TARM1: variants seen among roughly 807,000 people sequenced by gnomAD.
The protein encoded by TARM1 is T cell-interacting, activating receptor on myeloid cells 1.
Under a neutral mutation model 30.4 loss-of-function variants are expected in TARM1, and 24 were observed. The ratio of observed to expected loss-of-function variants is 0.79; its 90% CI spans 0.57 to 1.11. The LOEUF is 1.11. Ranked by LOEUF, TARM1 falls within the 50% of genes least tolerant of loss-of-function variation. TARM1 has a pLI of 0.00. For missense variants in TARM1, 323 were observed against 332.8 expected, an observed-to-expected ratio of 0.97 and a Z score of 0.23; for synonymous variants, 129 against 138.9, an observed-to-expected ratio of 0.93 and a Z score of 0.50.
At position 54,074,164 on chromosome 19, in the gene TARM1, T is replaced by G. The variant is rs367737038; in HGVS notation, c.414A>C (p.Ala138=). The part of the protein sequence containing the change: ...LRTYQRGTVT[A]GGRVTLQCQK... Reference sequence around the variant, plus strand: ...GGCACTGCAGAGTCACCCTTCCACCTGCGGTCACTGTACCCCTTTGGTAGG... The same window carrying G: ...GGCACTGCAGAGTCACCCTTCCACCGGCGGTCACTGTACCCCTTTGGTAGG... The change falls in exon 4 of 5, where the codon GCA becomes GCC. Residue 138 remains alanine (A), a synonymous_variant. Coordinates refer to ENST00000432826, the MANE Select transcript of TARM1 (RefSeq NM_001135686.3). The G allele has an allele frequency of 2.3e-5, 36 of 1,551,698 alleles. No homozygotes were observed. The highest frequency in any genetic ancestry group is 1.6e-4 in the African/African-American group (12 of 73,162).
At chr19:54,074,721 C>T in intron 3 of TARM1, 103 bp downstream of exon 3, 4 of 1,256,012 alleles carry the variant, frequency 3.2e-6, no homozygotes, top group Non-Finnish European at 4.4e-6. Flanking sequence ...CTCCCACCAC[C>T]CCCAACTACT....
chr19:54,074,631 C>T (rs1403131945), intron 3 of TARM1, among the ~76,000 whole-genome samples, 193 bp downstream of exon 3: 1 of 152,118 alleles, frequency 6.6e-6, no homozygotes, highest in East Asian at 1.9e-4. Flanking sequence ...TGCAGTGAGC[C>T]GAGATGGCAC....
At chr19:54,074,539 C>T (rs1448537229) in intron 3 of TARM1, among the ~76,000 whole-genome samples, 7 of 152,254 alleles carry the variant, frequency 4.6e-5, no homozygotes, top group East Asian at 1.9e-4. Context: ...AAAAATTAGC[C>T]GGGCATGGTG....
intron 3 of TARM1, 97 bp from the exon 4 acceptor site, chr19:54,074,313 A>G: frequency 8.7e-7 from 1 of 1,154,076 alleles, no homozygotes; most frequent in South Asian, 1.5e-5. Context: ...GAGTGTGGGA[A>G]ATGAGAGATT....
At chr19:54,076,491 T>G in intron 1 of TARM1, 1 of 384,584 alleles carries the variant, frequency 2.6e-6, no homozygotes, top group East Asian at 5.3e-5. Flanking sequence ...GCCTCCCAAA[T>G]AGCTGGGATC....
chr19:54,077,812 G>A (rs2071996635), intron 1 of TARM1, among the ~76,000 whole-genome samples: 2 of 140,152 alleles, frequency 1.4e-5, no homozygotes, highest in African/African-American at 2.7e-5. Flanking sequence ...GCGCGATCTC[G>A]GCTCACTGCA....
chr19:54,071,863 C>T (rs1330152901), intron 4 of TARM1, among the ~76,000 whole-genome samples: 3 of 151,070 alleles, frequency 2.0e-5, no homozygotes, highest in South Asian at 4.2e-4. Context: ...AAACCCTAGC[C>T]TCCAGATTTT....
At chr19:54,077,258 G>A (rs2071979185) in intron 1 of TARM1, among the ~76,000 whole-genome samples, 1 of 151,994 alleles carries the variant, frequency 6.6e-6, no homozygotes, top group African/African-American at 2.4e-5. Flanking sequence ...ATGGGCGCCT[G>A]TGATCCCAGC....
chr19:54,075,121 G>C lies in TARM1; in HGVS notation c.71-7C>G, dbSNP rs1378371203. On this transcript the variant is annotated splice_region_variant and splice_polypyrimidine_tract_variant and intron_variant, in intron 2 of 4. Transcript: ENST00000432826. ...GACGGCTTGGGCAGTGACCCTGGAA[G>C]GAAGCAGAGCCTGATGCTGGACCCG... 6.5e-7 allele frequency: 1 copy of C among 1,550,222 alleles called. No individual in the cohort carries two copies. The highest frequency in any genetic ancestry group is 2.0e-5 in the Admixed American group (1 of 50,840).
intron 1 of TARM1, 54 bp downstream of exon 1, chr19:54,081,253 C>T (rs1335946569): frequency 2.6e-6 from 4 of 1,522,730 alleles, no homozygotes; most frequent in Non-Finnish European, 3.6e-6. Context: ...GCCCAACTAT[C>T]CCACCAGTTC....
chr19:54,070,905 C>G (rs1157843377), intron 4 of TARM1, among the ~76,000 whole-genome samples: 1 of 152,184 alleles, frequency 6.6e-6, no homozygotes, highest in East Asian at 1.9e-4. Context: ...AACCACCATG[C>G]CTGGCCATAA....
intron 1 of TARM1, among the ~76,000 whole-genome samples, chr19:54,079,298 G>T (rs1600213328): frequency 6.6e-6 from 1 of 151,474 alleles, no homozygotes; most frequent in African/African-American, 2.4e-5. Flanking sequence ...TTAGAATGGA[G>T]GTTACCAGGG....
At chr19:54,080,500 A>AAGGAAGGAAGGG (rs1763190932) in intron 1 of TARM1, among the ~76,000 whole-genome samples, 1 of 42,380 alleles carries the variant, frequency 2.4e-5, no homozygotes, top group African/African-American at 1.0e-4. Flanking sequence ...GGAAGGGAGG[A>AAGGAAGGAAGGG]AGGAAGGAAG....
chr19:54,074,284 C>T, intron 3 of TARM1, 68 bp from the exon 4 acceptor site: 2 of 1,432,250 alleles, frequency 1.4e-6, no homozygotes, highest in Non-Finnish European at 1.9e-6. Context: ...CCCTGTTCTC[C>T]TGGCCGGAGG....
chr19:54,074,978 G>A lies in TARM1; in HGVS notation c.207C>T (p.Ser69=), dbSNP rs587751623. The stretch of plus-strand genomic sequence containing the variant: ...CCTCTGTAGAATCAAGGGGCTTCGG[G>A]GACTCCAGAATAATTCCTCCCTTCC... ...VLRKGGIILE[S]PKPLDSTEGA... Residue 69 remains serine, a synonymous_variant, in exon 3 of 5, where the codon TCC becomes TCT. Transcript: ENST00000432826. 19 of 1,551,430 alleles carry A rather than the reference G, an allele frequency of 1.2e-5. No homozygotes were observed. The highest frequency in any genetic ancestry group is 1.2e-4 in the South Asian group (10 of 84,054).
chr19:54,078,892 AAGTC>A (rs1372252775), intron 1 of TARM1, among the ~76,000 whole-genome samples: 5 of 152,006 alleles, frequency 3.3e-5, no homozygotes, highest in Non-Finnish European at 7.4e-5. Context: ...TGAGTAAACT[AAGTC>A]AGGCAAAAAA....
At chr19:54,071,026 C>T (rs936981837) in intron 4 of TARM1, among the ~76,000 whole-genome samples, 27 of 152,074 alleles carry the variant, frequency 1.8e-4, no homozygotes, top group African/African-American at 5.8e-4. Context: ...GACGCAGTCT[C>T]GGTTCACTGC....
At position 54,074,010 on chromosome 19, in the gene TARM1, C is replaced by A; in HGVS notation, c.568G>T (p.Asp190Tyr). ...TACATGCAGCTGTAGTTCCCAGCAT[C>A]GCCGGCTGTCACGTCCACCAGAGAG... ...DFSLVDVTAG[D>Y]AGNYSCMYYQ... The change falls in exon 4 of 5, where the codon GAT (aspartate) becomes TAT (tyrosine). Residue 190 changes from aspartate (D) to tyrosine (Y), a missense_variant. Transcript: ENST00000432826. 1 of 1,551,688 alleles carries A rather than the reference C, an allele frequency of 6.4e-7. No homozygotes were observed. The highest frequency in any genetic ancestry group is 1.2e-5 in the South Asian group (1 of 84,058).
At chr19:54,075,471 C>A (rs2071926726) in intron 2 of TARM1, among the ~76,000 whole-genome samples, 2 of 150,872 alleles carry the variant, frequency 1.3e-5, no homozygotes, top group African/African-American at 2.4e-5. Flanking sequence ...CAGGCGTGAA[C>A]CCCTGAGCCC....
Sources: allele counts gnomAD v4.1 joint callset (sites outside exome capture counted in the v4.1 genomes callset), GRCh38; gene constraint gnomAD v4.1.1; transcripts MANE v1.5; gene names NCBI Gene and HGNC (gene_info 2026-07-23, HGNC 2026-07-21).